BOC: variants seen among roughly 807,000 people sequenced by gnomAD.
BOC encodes brother of CDO.
BOC carries 76 observed loss-of-function variants against 112.0 expected under a neutral mutation model. The observed-to-expected ratio is 0.68, with a 90% CI of 0.56 to 0.82. The LOEUF is 0.82. BOC is among the 40% of genes least tolerant of loss of function. BOC has a pLI of 0.00. For synonymous variants in BOC, 580 were observed against 599.8 expected, an observed-to-expected ratio of 0.97 and a Z score of 0.48; for missense variants, 1,309 against 1,511.7, an observed-to-expected ratio of 0.87 and a Z score of 2.22.
In BOC at chr3:113,211,664, G is replaced by A. The variant is rs1369571185; in HGVS notation, c.-522G>A. 6.6e-6 allele frequency: 1 copy of A among 152,114 alleles called. No individual in the cohort carries two copies. Among genetic ancestry groups the A allele is most frequent in the Non-Finnish European group, 1.5e-5 (1 of 68,118 alleles). 9.4% of individuals were successfully genotyped at this position (152,114 alleles called of 1,614,324 possible). On this transcript the variant is annotated 5_prime_UTR_variant, in exon 1 of 20. Coordinates refer to ENST00000682979, the MANE Select transcript of BOC (RefSeq NM_001378074.1). ...CCCGCGGCCGCCGCTTTCTGCCGCG[G>A]GGACCCTGAGCCCCGGCCCGCCGGT... is the stretch of plus-strand genomic sequence containing the variant.
chr3:113,253,729 C>T (rs926539195), intron 4 of BOC, among the ~76,000 whole-genome samples: 1 of 152,114 alleles, frequency 6.6e-6, no homozygotes, highest in Non-Finnish European at 1.5e-5. Flanking sequence ...TACTTATGAT[C>T]GTAATTACTA....
chr3:113,281,180 G>T lies in BOC; in HGVS notation c.2434+27G>T, dbSNP rs200654517. 2.0e-5 allele frequency: 33 copies of T among 1,611,588 alleles called. No homozygotes were observed. The East Asian group carries it at 7.4e-4, about 36-fold the overall frequency. ...TGAAGCTCTTTGGGTTCTCTCTCCT[G>T]TCTTGGTGTTTCCAGCGAGGGAAGG... On this transcript the variant is annotated intron_variant, in intron 15 of 19. Coordinates refer to ENST00000682979, the MANE Select transcript of BOC (RefSeq NM_001378074.1).
At chr3:113,253,763 T>C (rs1242903155) in intron 4 of BOC, among the ~76,000 whole-genome samples, 1 of 152,178 alleles carries the variant, frequency 6.6e-6, no homozygotes, top group Non-Finnish European at 1.5e-5. Flanking sequence ...ATCTACCTTC[T>C]ACCCTTTTCC....
upstream of BOC, chr3:113,211,384 T>A (rs1020295307): frequency 6.6e-6 from 1 of 152,252 alleles, no homozygotes; most frequent in African/African-American, 2.4e-5. Context: ...ACGGGAAAAC[T>A]GCCCTAGAGT....
chr3:113,234,384 CAT>C (rs753804009), intron 2 of BOC, among the ~76,000 whole-genome samples: 8 of 152,164 alleles, frequency 5.3e-5, no homozygotes, highest in African/African-American at 9.7e-5. Flanking sequence ...CATGTGCACA[CAT>C]GTGTGTAGGA....
chr3:113,286,249 C>T (rs1201118521), intron 19 of BOC, among the ~76,000 whole-genome samples: 1 of 152,086 alleles, frequency 6.6e-6, no homozygotes, highest in African/African-American at 2.4e-5. Context: ...GATGCTGGGT[C>T]CTAAAGCTCG....
At chr3:113,211,330 T>C (rs1938113509), upstream of BOC, among the ~76,000 whole-genome samples, 1 of 152,052 alleles carries the variant, frequency 6.6e-6, no homozygotes, top group Non-Finnish European at 1.5e-5. Flanking sequence ...CAAAAGAAGT[T>C]GGAGGAGAGC....
intron 4 of BOC, among the ~76,000 whole-genome samples, chr3:113,256,201 C>T: frequency 6.6e-6 from 1 of 152,308 alleles, no homozygotes; most frequent in South Asian, 2.1e-4. Flanking sequence ...CTGTACTGCC[C>T]AGTTCCATTC....
chr3:113,263,305 T>G (rs1653296693), intron 4 of BOC, among the ~76,000 whole-genome samples: 1 of 152,212 alleles, frequency 6.6e-6, no homozygotes. Context: ...AGGCTTGTCC[T>G]GTGATCCCCA....
Position 113,278,581 on chromosome 3 carries a change from C to T in BOC, c.1706-92C>T, listed in dbSNP as rs544097514. The T allele has an allele frequency of 1.4e-5, 16 of 1,138,906 alleles. No homozygotes were observed. Among genetic ancestry groups the T allele is most frequent in the African/African-American group, 3.1e-5 (2 of 64,060 alleles). The allele number at this position is 1,138,906 out of a possible 1,614,324, so 70.6% of individuals were successfully genotyped here. On this transcript the variant is annotated intron_variant, in intron 10 of 19. Transcript: ENST00000682979. This position sits in a 1 kb window ranked among gnomAD's most constrained non-coding sequence, Gnocchi z 4.2. ...GCTTATTTGCATCACTTTGTCATGC[C>T]GCTTAGCAGAGTCTCAGGCAAAAAG... is the stretch of plus-strand genomic sequence containing the variant.
intron 9 of BOC, among the ~76,000 whole-genome samples, chr3:113,277,458 G>A (rs548627583): frequency 1.2e-3 from 184 of 152,336 alleles, no homozygotes; most frequent in African/African-American, 4.0e-3. Flanking sequence ...GCTCTTTGGA[G>A]TCAAGTCACC....
chr3:113,217,533 AAAAAAG>A, intron 2 of BOC, among the ~76,000 whole-genome samples: 1 of 152,216 alleles, frequency 6.6e-6, no homozygotes, highest in South Asian at 2.1e-4. Context: ...TCTCAAAAAA[AAAAAAG>A]AAAGAGAGAT....
Position 113,274,614 on chromosome 3 carries a change from G to T in BOC, c.1474G>T (p.Val492Leu). Residue 492 changes from valine (V) to leucine (L), a missense_variant, in exon 9 of 20, where the codon GTG (valine) becomes TTG (leucine). Coordinates refer to ENST00000682979, the MANE Select transcript of BOC (RefSeq NM_001378074.1). The surrounding 1 kb of genome is among the most constrained non-coding windows in gnomAD (Gnocchi z 4.8). Reference protein sequence around the residue: ...RTSKTDSYELVWRPRHEGSGR... With the variant: ...RTSKTDSYELLWRPRHEGSGR... ...CTCCAAGACAGACTCATATGAACTGGTGTGGCGGCCTCGGCATGAGGGCAG... is the reference window on the plus strand; with the variant it reads ...CTCCAAGACAGACTCATATGAACTGTTGTGGCGGCCTCGGCATGAGGGCAG... 1 of 1,612,852 alleles carries T rather than the reference G, an allele frequency of 6.2e-7. No individual in the cohort carries two copies. Among genetic ancestry groups the T allele is most frequent in the East Asian group, 2.2e-5 (1 of 44,848 alleles).
intron 16 of BOC, 85 bp downstream of exon 16, chr3:113,283,717 A>C: frequency 3.7e-6 from 5 of 1,335,818 alleles, no homozygotes; most frequent in Non-Finnish European, 5.2e-6. Flanking sequence ...GTCTGTGTCC[A>C]TGGAAAGCTC....
At chr3:113,263,446 G>A (rs899743583) in intron 4 of BOC, among the ~76,000 whole-genome samples, 17 of 152,204 alleles carry the variant, frequency 1.1e-4, no homozygotes, top group East Asian at 3.8e-4. Flanking sequence ...AGCATCCAGC[G>A]GATGGTGGCG....
intron 2 of BOC, among the ~76,000 whole-genome samples, chr3:113,245,089 G>A (rs1441911535): frequency 1.3e-5 from 2 of 151,860 alleles, no homozygotes; most frequent in East Asian, 1.9e-4. Context: ...ATTACTCTAC[G>A]ATACTTGTTT....
At position 113,279,417 on chromosome 3, in the gene BOC, C is replaced by T. The variant is rs370057169; in HGVS notation, c.1985C>T (p.Pro662Leu). The change falls in exon 12 of 20, where the codon CCA becomes CTA. Residue 662 changes from proline to leucine, a missense_variant. Physicochemically the swap from Pro to Leu is moderately conservative, Grantham distance 98 (BLOSUM62 -3). Transcript: ENST00000682979. ...DWILATSAIP[P>L]SRLSVEITGL... ...ATTCTGGCCACCAGCGCCATCCCCC[C>T]ATCGCGGCTGTCCGTGGAGATCACG... The T allele has an allele frequency of 1.9e-6, 3 of 1,614,204 alleles. No homozygotes were observed. The highest frequency in any genetic ancestry group is 2.2e-5 in the East Asian group (1 of 44,884).
At chr3:113,228,268 G>A (rs932350759) in intron 2 of BOC, among the ~76,000 whole-genome samples, 7 of 152,136 alleles carry the variant, frequency 4.6e-5, no homozygotes, top group Non-Finnish European at 8.8e-5. Flanking sequence ...CGGGGCAGAT[G>A]ATGGTGTAGA....
At chr3:113,261,309 C>T (rs1430587932) in intron 4 of BOC, among the ~76,000 whole-genome samples, 1 of 152,210 alleles carries the variant, frequency 6.6e-6, no homozygotes, top group Non-Finnish European at 1.5e-5. Flanking sequence ...TTTCCCACTG[C>T]TAAGTTTATA....
Sources: allele counts gnomAD v4.1 joint callset (sites outside exome capture counted in the v4.1 genomes callset), GRCh38; gene constraint gnomAD v4.1.1; non-coding constraint Gnocchi (gnomAD v3.1); transcripts MANE v1.5; gene names NCBI Gene and HGNC (gene_info 2026-07-23, HGNC 2026-07-21).